Variants in IMMP2L observed in about 807,000 individuals in gnomAD.
IMMP2L encodes mitochondrial inner membrane protease subunit 2.
Under a neutral mutation model 19.3 loss-of-function variants are expected in IMMP2L, and 18 were observed. The ratio of observed to expected loss-of-function variants is 0.93; its 90% CI spans 0.64 to 1.38. IMMP2L has a LOEUF of 1.38. IMMP2L is among the 40% of genes most tolerant of loss of function. The pLI is 0.00. For synonymous variants in IMMP2L, 76 were observed against 73.0 expected (o/e 1.04, Z -0.21); for missense variants, 233 against 218.2 (o/e 1.07, Z -0.43).
chr7:110,675,024 C>CT (rs1792195033), intron 5 of IMMP2L, among the ~76,000 whole-genome samples: 1 of 152,152 alleles, frequency 6.6e-6, no homozygotes, highest in African/African-American at 2.4e-5. Context: ...GGTATAGGGT[C>CT]TCCCCAATAT....
At chr7:110,766,783 C>T (rs905400917) in intron 5 of IMMP2L, among the ~76,000 whole-genome samples, 3 of 151,846 alleles carry the variant, frequency 2.0e-5, no homozygotes, top group Non-Finnish European at 2.9e-5. Context: ...TAATATCTTG[C>T]TTTTTGGTCT....
intron 4 of IMMP2L, among the ~76,000 whole-genome samples, chr7:110,896,029 C>T (rs1274821469): frequency 2.0e-5 from 3 of 152,020 alleles, no homozygotes; most frequent in Non-Finnish European, 4.4e-5. Flanking sequence ...GCTATGTTGC[C>T]CAGGCTACTC....
At chr7:110,873,251 C>T (rs1808704822) in intron 5 of IMMP2L, among the ~76,000 whole-genome samples, 1 of 151,638 alleles carries the variant, frequency 6.6e-6, no homozygotes, top group South Asian at 2.1e-4. Flanking sequence ...GAAACCGTTT[C>T]TGTACTAAAA....
intron 3 of IMMP2L, among the ~76,000 whole-genome samples, chr7:111,029,025 G>C (rs138339935): frequency 1.3e-5 from 2 of 152,080 alleles, no homozygotes; most frequent in South Asian, 4.1e-4. Context: ...CCTTCTAAAA[G>C]AATACTGCTT....
chr7:110,701,506 T>C (rs1311951672), intron 5 of IMMP2L, among the ~76,000 whole-genome samples: 2 of 152,092 alleles, frequency 1.3e-5, no homozygotes, highest in Non-Finnish European at 2.9e-5. Flanking sequence ...CTACAATCTC[T>C]GCCTCCCAGG....
intron 5 of IMMP2L, among the ~76,000 whole-genome samples, chr7:110,696,724 G>A (rs1793916828): frequency 6.6e-6 from 1 of 152,026 alleles, no homozygotes; most frequent in Non-Finnish European, 1.5e-5. Context: ...CTGCACCCAG[G>A]CTTGCATTGA....
intron 3 of IMMP2L, among the ~76,000 whole-genome samples, chr7:111,135,359 C>T (rs1230566522): frequency 6.6e-6 from 1 of 152,050 alleles, no homozygotes; most frequent in Non-Finnish European, 1.5e-5. Flanking sequence ...AATTATTGGT[C>T]ATAAGGAAGG....
At chr7:110,825,627 T>C (rs1803413929) in intron 5 of IMMP2L, among the ~76,000 whole-genome samples, 1 of 152,174 alleles carries the variant, frequency 6.6e-6, no homozygotes, top group African/African-American at 2.4e-5. Context: ...GAAAACTGGC[T>C]AGTCATATGT....
intron 3 of IMMP2L, among the ~76,000 whole-genome samples, chr7:111,068,412 C>A (rs1794688881): frequency 6.6e-6 from 1 of 152,054 alleles, no homozygotes; most frequent in East Asian, 1.9e-4. Context: ...CACCAAGAAA[C>A]AAGTGATTGG....
chr7:111,032,450 A>G (rs544681603), intron 3 of IMMP2L, among the ~76,000 whole-genome samples: 2 of 152,310 alleles, frequency 1.3e-5, no homozygotes, highest in Admixed American at 1.3e-4. Flanking sequence ...CAAAGCACAC[A>G]TCTGATAAAT....
At chr7:110,765,187 A>C (rs987767951) in intron 5 of IMMP2L, among the ~76,000 whole-genome samples, 4 of 152,194 alleles carry the variant, frequency 2.6e-5, no homozygotes, top group Non-Finnish European at 4.4e-5. Flanking sequence ...AAAAGCAGGT[A>C]GGATAAGAGG....
intron 3 of IMMP2L, among the ~76,000 whole-genome samples, chr7:111,288,741 T>A (rs1053699891): frequency 6.6e-6 from 1 of 152,110 alleles, no homozygotes; most frequent in African/African-American, 2.4e-5. Context: ...CCAGTTAGAA[T>A]GGCAATCAAT....
intron 3 of IMMP2L, among the ~76,000 whole-genome samples, chr7:111,307,678 A>G (rs1315931438): frequency 6.6e-6 from 1 of 151,732 alleles, no homozygotes; most frequent in Non-Finnish European, 1.5e-5. Context: ...AAGTTTTACC[A>G]TATTCATAAT....
intron 5 of IMMP2L, among the ~76,000 whole-genome samples, chr7:110,706,103 T>C (rs543166085): frequency 2.0e-5 from 3 of 152,216 alleles, no homozygotes; most frequent in South Asian, 4.1e-4. Flanking sequence ...CTGGGTCAAA[T>C]GGTAGTACTG....
rs546883574 is a variant in IMMP2L, at chr7:111,015,516, A to T, written c.240-51951T>A. On this transcript the variant is annotated intron_variant, in intron 3 of 5. Coordinates refer to ENST00000405709, the MANE Select transcript of IMMP2L (RefSeq NM_032549.4). ...GTGAATATACTTAACACTACTAAAAAGTATACTTGCAAATGGTTAAGAGGG... is the reference window on the plus strand; with the variant it reads ...GTGAATATACTTAACACTACTAAAATGTATACTTGCAAATGGTTAAGAGGG... Among the ~76,000 whole-genome samples, 22 of 152,282 alleles carry T rather than the reference A, an allele frequency of 1.4e-4. No individual in the cohort carries two copies. The South Asian group carries it at 3.7e-3, about 26-fold the overall frequency.
chr7:111,150,732 C>A (rs1049782017), intron 3 of IMMP2L, among the ~76,000 whole-genome samples: 8 of 152,260 alleles, frequency 5.3e-5, no homozygotes, highest in Admixed American at 3.9e-4. Context: ...TGTATATATT[C>A]ACTTTATGGC....
At chr7:111,348,485 C>T (rs1423927994) in intron 3 of IMMP2L, among the ~76,000 whole-genome samples, 1 of 152,058 alleles carries the variant, frequency 6.6e-6, no homozygotes, top group Non-Finnish European at 1.5e-5. Flanking sequence ...AGCCAGTTTT[C>T]GGTCCATCTA....
At chr7:111,002,593 A>G (rs1823828712) in intron 3 of IMMP2L, among the ~76,000 whole-genome samples, 1 of 152,248 alleles carries the variant, frequency 6.6e-6, no homozygotes, top group African/African-American at 2.4e-5. Context: ...ATGGGATGGG[A>G]TATGAAGAGA....
intron 3 of IMMP2L, among the ~76,000 whole-genome samples, chr7:111,163,277 AC>A (rs1805465380): frequency 6.6e-6 from 1 of 151,736 alleles, no homozygotes; most frequent in East Asian, 1.9e-4. Flanking sequence ...CAATTAACAA[AC>A]CCACGTGGCT....
Sources: gnomAD v4.1 joint callset for allele counts (sites outside exome capture counted in the v4.1 genomes callset) on GRCh38, gnomAD v4.1.1 for gene constraint, MANE v1.5 for transcripts, NCBI Gene and HGNC (gene_info 2026-07-23, HGNC 2026-07-21) for gene names.